Variants in SYT16 observed in about 807,000 individuals in gnomAD.
SYT16 encodes synaptotagmin-16.
In SYT16, 42 loss-of-function variants were observed where a neutral mutation model predicts 61.4. The observed-to-expected ratio is 0.68, with a 90% CI of 0.53 to 0.89. The LOEUF is 0.89. Among genes scored for constraint, SYT16 ranks in the 40% least tolerant of loss-of-function variants. The probability of loss-of-function intolerance (pLI) is 0.00; values close to 1 mark genes in which losing one functional copy is unlikely to be tolerated. For missense variants in SYT16, 804 were observed against 807.3 expected (o/e 1.00, Z 0.05); for synonymous variants, 314 against 302.3 (o/e 1.04, Z -0.40).
intron 1 of SYT16, among the ~76,000 whole-genome samples, chr14:61,841,826 T>A (rs986711265): frequency 6.6e-6 from 1 of 152,188 alleles, no homozygotes; most frequent in Non-Finnish European, 1.5e-5. Context: ...GTTCCATCCA[T>A]GTTGCTGCAA....
At chr14:62,075,063 T>A in intron 4 of SYT16, 72 bp from the exon 5 acceptor site, 1 of 1,483,554 alleles carries the variant, frequency 6.7e-7, no homozygotes, top group Non-Finnish European at 9.1e-7. Flanking sequence ...GTGACTGCAA[T>A]TACTCAATTT....
chr14:62,093,340 TAGAA>T (rs1210047301), intron 7 of SYT16, among the ~76,000 whole-genome samples: 1 of 151,940 alleles, frequency 6.6e-6, no homozygotes, highest in Non-Finnish European at 1.5e-5. Flanking sequence ...GTGTGATAAA[TAGAA>T]AGCACAAACC....
chr14:61,959,119 C>T (rs1213599559), intron 1 of SYT16, among the ~76,000 whole-genome samples: 4 of 152,026 alleles, frequency 2.6e-5, no homozygotes, highest in Admixed American at 2.6e-4. Flanking sequence ...CTACCATTTT[C>T]CTTTTCAGCC....
chr14:61,965,995 GC>G (rs1335216926), intron 1 of SYT16, among the ~76,000 whole-genome samples: 13 of 152,230 alleles, frequency 8.5e-5, no homozygotes, highest in African/African-American at 3.1e-4. Context: ...CGAAAAGTAA[GC>G]TGCATCATCA....
intron 2 of SYT16, among the ~76,000 whole-genome samples, chr14:61,995,608 G>C (rs558830537): frequency 6.6e-6 from 1 of 152,170 alleles, no homozygotes; most frequent in South Asian, 2.1e-4. Flanking sequence ...ACACTGTTAA[G>C]GATGGTCTAT....
Position 61,996,084 on chromosome 14 carries a change from C to G in SYT16, c.65C>G (p.Ser22Cys), listed in dbSNP as rs1333500903. 3.7e-6 allele frequency: 6 copies of G among 1,612,150 alleles called. No homozygotes were observed. Among genetic ancestry groups the G allele is most frequent in the Non-Finnish European group, 5.1e-6 (6 of 1,179,106 alleles). ...TTCCAGCCTTTCTCTTCCTGGATAT[C>G]TCGGGTTTATGAAGCTCTCCAGCAA... ...NFFQPFSSWI[S>C]RVYEALQQAG... Residue 22 changes from serine (S) to cysteine (C), a missense_variant, in exon 3 of 8, where the codon TCT (serine) becomes TGT (cysteine). Physicochemically the swap from Ser to Cys is moderately radical, Grantham distance 112 (BLOSUM62 -1). Coordinates refer to ENST00000683842, the MANE Select transcript of SYT16 (RefSeq NM_001367656.1).
chr14:61,813,641 C>A (rs554702341), intron 1 of SYT16, among the ~76,000 whole-genome samples: 3 of 152,202 alleles, frequency 2.0e-5, no homozygotes, highest in African/African-American at 7.2e-5. Flanking sequence ...TGGCTCAGGC[C>A]TGTAATCCCA....
intron 1 of SYT16, among the ~76,000 whole-genome samples, chr14:61,826,267 A>G (rs1246211289): frequency 6.6e-6 from 1 of 151,974 alleles, no homozygotes; most frequent in Non-Finnish European, 1.5e-5. Flanking sequence ...CCTCATGTGC[A>G]CATTTTTGGG....
intron 1 of SYT16, among the ~76,000 whole-genome samples, chr14:61,952,132 A>ATT (rs5809133): frequency 6.9e-6 from 1 of 144,956 alleles, no homozygotes; most frequent in South Asian, 2.2e-4. Context: ...ATTCATGCTG[A>ATT]TTTTTTTTTT....
chr14:62,071,178 T>C (rs964746713), intron 4 of SYT16, among the ~76,000 whole-genome samples: 6 of 152,226 alleles, frequency 3.9e-5, no homozygotes, highest in African/African-American at 1.4e-4. Context: ...CCCCCTCTCT[T>C]GGCTTTTCTC....
At chr14:61,883,492 C>T (rs2047776750) in intron 1 of SYT16, among the ~76,000 whole-genome samples, 2 of 152,214 alleles carry the variant, frequency 1.3e-5, no homozygotes, top group Non-Finnish European at 2.9e-5. Context: ...AGTTCCTCAT[C>T]TCCATCTGGG....
intron 1 of SYT16, among the ~76,000 whole-genome samples, chr14:61,904,173 T>C (rs1202293590): frequency 1.3e-5 from 2 of 152,232 alleles, no homozygotes; most frequent in East Asian, 1.9e-4. Context: ...GGCTTTTCCC[T>C]GGGTCTCCCC....
intron 2 of SYT16, among the ~76,000 whole-genome samples, chr14:61,975,997 A>T (rs2051777413): frequency 6.6e-6 from 1 of 152,246 alleles, no homozygotes; most frequent in Admixed American, 6.5e-5. Flanking sequence ...CTTCTTAGAT[A>T]CAATGCAGGT....
At chr14:61,925,570 G>A (rs972959181) in intron 1 of SYT16, among the ~76,000 whole-genome samples, 2 of 152,094 alleles carry the variant, frequency 1.3e-5, no homozygotes, top group Non-Finnish European at 1.5e-5. Context: ...TACAAAAAAG[G>A]GGGTTTCTTC....
chr14:62,055,934 C>A (rs932336010), intron 3 of SYT16, among the ~76,000 whole-genome samples: 2 of 152,130 alleles, frequency 1.3e-5, no homozygotes, highest in Non-Finnish European at 2.9e-5. Context: ...GGTCGAAAGT[C>A]CAAGAGTCCC....
intron 3 of SYT16, among the ~76,000 whole-genome samples, chr14:61,998,235 C>T (rs1323051338): frequency 6.6e-6 from 1 of 151,846 alleles, no homozygotes; most frequent in Non-Finnish European, 1.5e-5. Flanking sequence ...TAAAATTCAT[C>T]CTTAGTGTAT....
intron 5 of SYT16, among the ~76,000 whole-genome samples, chr14:62,076,686 A>T (rs1461002480): frequency 6.6e-6 from 1 of 151,356 alleles, no homozygotes. Flanking sequence ...AAAAGAAAAA[A>T]CTCTGCTTAC....
chr14:61,905,715 A>T (rs767989902), intron 1 of SYT16, among the ~76,000 whole-genome samples: 7 of 150,988 alleles, frequency 4.6e-5, no homozygotes, highest in African/African-American at 7.3e-5. Context: ...TGTGACACAG[A>T]TCCCCTCCAC....
chr14:62,047,149 T>C (rs916026636), intron 3 of SYT16, among the ~76,000 whole-genome samples: 4 of 152,224 alleles, frequency 2.6e-5, no homozygotes, highest in Non-Finnish European at 5.9e-5. Context: ...TTTTATTTCA[T>C]TGAGCAGTGG....
Sources: allele counts gnomAD v4.1 joint callset (sites outside exome capture counted in the v4.1 genomes callset), GRCh38; gene constraint gnomAD v4.1.1; transcripts MANE v1.5; gene names NCBI Gene and HGNC (gene_info 2026-07-23, HGNC 2026-07-21).